The following B3GALNT2 variants were observed in gnomAD, a reference collection of about 807,000 sequenced individuals.
B3GALNT2 encodes the protein UDP-GalNAc:beta-1,3-N-acetylgalactosaminyltransferase 2.
A neutral mutation model predicts 61.1 loss-of-function variants in B3GALNT2; 53 were observed. The ratio of observed to expected loss-of-function variants is 0.87; its 90% CI spans 0.70 to 1.09. The LOEUF is 1.09. B3GALNT2 is among the 50% of genes least tolerant of loss of function. The probability of loss-of-function intolerance (pLI) is 0.00; values close to 1 mark genes in which losing one functional copy is unlikely to be tolerated. For missense variants in B3GALNT2, 544 were observed against 623.0 expected (o/e 0.87, Z 1.35); for synonymous variants, 223 against 237.4 (o/e 0.94, Z 0.56).
intron 5 of B3GALNT2, among the ~76,000 whole-genome samples, chr1:235,475,311 T>TAAA (rs1357140496): frequency 6.6e-6 from 1 of 151,908 alleles, no homozygotes; most frequent in East Asian, 1.9e-4. Flanking sequence ...CATAAATATT[T>TAAA]TAAGAGAAAC....
Position 235,448,601 on chromosome 1 carries a change from G to GAGTATGTGTAGCATGCTTT in B3GALNT2, c.*1586_*1604dup. ...ACTGCCTGGGGACGGGGTGGGGGAA[G>GAGTATGTGTAGCATGCTTT]AGTATGTGTAGCATGCTTTATCGGA... is the stretch of plus-strand genomic sequence containing the variant. On this transcript the variant is annotated 3_prime_UTR_variant, in exon 12 of 12. Coordinates refer to ENST00000366600, the MANE Select transcript of B3GALNT2 (RefSeq NM_152490.5). 7.0e-7 allele frequency: 1 copy of GAGTATGTGTAGCATGCTTT among 1,426,472 alleles called. No individual in the cohort carries two copies. The highest frequency in any genetic ancestry group is 9.9e-7 in the Non-Finnish European group (1 of 1,009,442). 88.4% of individuals were successfully genotyped at this position (1,426,472 alleles called of 1,614,324 possible). A position where few individuals can be genotyped will look rare whatever the true frequency, so the allele number is the denominator to read the frequency against.
chr1:235,443,039 CTTT>C (rs1682001769), downstream of B3GALNT2: 6 of 883,624 alleles, frequency 6.8e-6, no homozygotes, highest in Non-Finnish European at 1.1e-5. Context: ...TTTCATTAGT[CTTT>C]TATATTCTAA....
intron 5 of B3GALNT2, among the ~76,000 whole-genome samples, chr1:235,477,996 T>C (rs1310981970): frequency 6.6e-6 from 1 of 152,186 alleles, no homozygotes; most frequent in Non-Finnish European, 1.5e-5. Context: ...GCACCTCATG[T>C]GAATGAACAA....
chr1:235,474,983 A>ATT lies in B3GALNT2; in HGVS notation c.652-4024_652-4023insAA, dbSNP rs1558425497. On this transcript the variant is annotated intron_variant, in intron 5 of 11. Coordinates refer to ENST00000366600, the MANE Select transcript of B3GALNT2 (RefSeq NM_152490.5). Reference sequence around the variant, plus strand: ...TATATATATATATATATATATATATATATATTTTTTTTTTTTTTTTTTTTT... The same window carrying ATT: ...TATATATATATATATATATATATATATTTATATTTTTTTTTTTTTTTTTTTTT... Among the ~76,000 whole-genome samples, 46 of 38,990 alleles carry ATT rather than the reference A, an allele frequency of 1.2e-3. 1 individual carries two copies. The highest frequency in any genetic ancestry group is 0.014 in the Middle Eastern group (1 of 72). The allele number at this position is 38,990 out of a possible 152,430, so 25.6% of individuals were successfully genotyped here. A position where few individuals can be genotyped will look rare whatever the true frequency, so the allele number is the denominator to read the frequency against.
chr1:235,497,775 C>A (rs1012888994), intron 1 of B3GALNT2, among the ~76,000 whole-genome samples: 1 of 152,144 alleles, frequency 6.6e-6, no homozygotes, highest in Admixed American at 6.5e-5. Flanking sequence ...ACGAGGGCAT[C>A]CTAACTGGTT....
At chr1:235,475,003 T>A (rs1684202724) in intron 5 of B3GALNT2, among the ~76,000 whole-genome samples, 1 of 106,986 alleles carries the variant, frequency 9.3e-6, no homozygotes, top group African/African-American at 3.6e-5. Flanking sequence ...TTTTTTTTTT[T>A]TTTTTTTGAG....
chr1:235,463,144 G>GT (rs1470862979), intron 7 of B3GALNT2, among the ~76,000 whole-genome samples: 4 of 152,074 alleles, frequency 2.6e-5, no homozygotes, highest in East Asian at 1.9e-4. Flanking sequence ...TCCAAACATC[G>GT]TATGTTCTCA....
intron 6 of B3GALNT2, among the ~76,000 whole-genome samples, chr1:235,469,361 G>A (rs986289883): frequency 2.0e-5 from 3 of 152,090 alleles, no homozygotes; most frequent in Admixed American, 6.5e-5. Flanking sequence ...TGATTCCACC[G>A]TACAGACCGT....
intron 6 of B3GALNT2, among the ~76,000 whole-genome samples, chr1:235,469,553 T>G (rs1402422547): frequency 6.6e-6 from 1 of 151,866 alleles, no homozygotes; most frequent in East Asian, 1.9e-4. Flanking sequence ...TATTTTCTAT[T>G]TTTTTTTGTT....
intron 10 of B3GALNT2, 105 bp downstream of exon 10, chr1:235,454,051 C>G (rs1490158193): frequency 9.4e-7 from 1 of 1,069,310 alleles, no homozygotes; most frequent in African/African-American, 1.6e-5. Context: ...GTTACCCAGG[C>G]TGGTCTTGAA....
At chr1:235,482,933 G>A (rs1296496729) in intron 4 of B3GALNT2, among the ~76,000 whole-genome samples, 2 of 152,102 alleles carry the variant, frequency 1.3e-5, no homozygotes, top group African/African-American at 4.8e-5. Context: ...AATCAATAAA[G>A]ACAGACGCTG....
At chr1:235,489,111 G>A (rs1206198731) in intron 3 of B3GALNT2, 57 bp downstream of exon 3, 1 of 1,592,006 alleles carries the variant, frequency 6.3e-7, no homozygotes, top group Non-Finnish European at 8.5e-7. Flanking sequence ...ATTAAGCTTA[G>A]CAACTTTTAC....
Position 235,449,988 on chromosome 1 carries a change from G to T in B3GALNT2, c.*218C>A. ...GTATTTTTCTGATAATCTTCCAATAGATAAATAAAAACTTTTCTTATGCTA... is the reference window on the plus strand; with the variant it reads ...GTATTTTTCTGATAATCTTCCAATATATAAATAAAAACTTTTCTTATGCTA... On this transcript the variant is annotated 3_prime_UTR_variant, in exon 12 of 12. Transcript: ENST00000366600. 1 of 414,600 alleles carries T rather than the reference G, an allele frequency of 2.4e-6. No individual in the cohort carries two copies. The highest frequency in any genetic ancestry group is 4.2e-6 in the Non-Finnish European group (1 of 237,558). 25.7% of individuals were successfully genotyped at this position (414,600 alleles called of 1,614,324 possible).
intron 6 of B3GALNT2, among the ~76,000 whole-genome samples, chr1:235,467,064 G>A (rs1258322886): frequency 2.0e-5 from 3 of 152,106 alleles, no homozygotes; most frequent in African/African-American, 7.2e-5. Context: ...AAATATGTTT[G>A]TAGGCCAGGC....
chr1:235,491,361 A>T (rs960298458), intron 2 of B3GALNT2, among the ~76,000 whole-genome samples: 1 of 152,222 alleles, frequency 6.6e-6, no homozygotes, highest in African/African-American at 2.4e-5. Context: ...TACGATAAAC[A>T]GTATTGTATA....
rs539016677 is a variant in B3GALNT2, at chr1:235,453,214, T to C, written c.1312-68A>G. 3.4e-5 allele frequency: 48 copies of C among 1,429,552 alleles called. No individual in the cohort carries two copies. In the African/African-American group the frequency reaches 5.8e-4, roughly 17 times the overall value. The allele number at this position is 1,429,552 out of a possible 1,614,324, so 88.6% of individuals were successfully genotyped here. A position where few individuals can be genotyped will look rare whatever the true frequency, so the allele number is the denominator to read the frequency against. ...TATTTTATTTGTAAAGACAAAACCA[T>C]AGCCACTCCCATCATAAACCACCTT... On this transcript the variant is annotated intron_variant, in intron 10 of 11. Transcript: ENST00000366600.
chr1:235,439,886 C>T, the B3GALNT2 span, among the ~76,000 whole-genome samples: 4 of 152,238 alleles, frequency 2.6e-5, no homozygotes, highest in African/African-American at 7.2e-5. Flanking sequence ...ATTGCAACCT[C>T]CACCTCCTGG....
rs76726286 is a variant in B3GALNT2, at chr1:235,488,976, G to A, written c.361+192C>T. On this transcript the variant is annotated intron_variant, in intron 3 of 11. Transcript: ENST00000366600. The stretch of plus-strand genomic sequence containing the variant: ...GAGGTAGGAGGATCGCTTGAGCCCC[G>A]GAGTTTGAGGTTATAGTGAGCCATG... Among the ~76,000 whole-genome samples, 3,295 of 152,112 alleles carry A rather than the reference G, an allele frequency of 0.022. 132 individuals are homozygous for A. The highest frequency in any genetic ancestry group is 0.075 in the African/African-American group (3,093 of 41,496).
chr1:235,458,606 C>G lies in B3GALNT2; in HGVS notation c.1022G>C (p.Arg341Thr), dbSNP rs1394583462. ...ACCCAACATTTTTACAACCTACCAT[C>G]TATAGAAGTTCAATAATTTTGCAGG... ...NVPAKLLNFY[R>T]WTVETTSFNL... The change falls in exon 8 of 12, where the codon AGA becomes ACA. Residue 341 changes from arginine (R) to threonine (T), a missense_variant. Physicochemically the swap from Arg to Thr is moderately conservative, Grantham distance 71. Transcript: ENST00000366600. 6.2e-7 allele frequency: 1 copy of G among 1,600,372 alleles called. No individual in the cohort carries two copies. Among genetic ancestry groups the G allele is most frequent in the East Asian group, 2.2e-5 (1 of 44,660 alleles).
Sources: allele counts gnomAD v4.1 joint callset (sites outside exome capture counted in the v4.1 genomes callset), GRCh38; gene constraint gnomAD v4.1.1; transcripts MANE v1.5; gene names NCBI Gene and HGNC (gene_info 2026-07-23, HGNC 2026-07-21).